Variants in ZGPAT observed in about 807,000 individuals in gnomAD.
ZGPAT encodes the protein zinc finger CCCH-type with G patch domain-containing protein.
Under a neutral mutation model 47.9 loss-of-function variants are expected in ZGPAT, and 39 were observed. The ratio of observed to expected loss-of-function variants is 0.81; its 90% CI spans 0.63 to 1.06. ZGPAT has a LOEUF of 1.06. ZGPAT is among the 50% of genes least tolerant of loss of function. The probability of loss-of-function intolerance (pLI) is 0.00; values close to 1 mark genes in which losing one functional copy is unlikely to be tolerated. For synonymous variants in ZGPAT, 348 were observed against 292.9 expected, an observed-to-expected ratio of 1.19 and a Z score of -1.92; for missense variants, 717 against 681.4, an observed-to-expected ratio of 1.05 and a Z score of -0.58.
At position 63,736,003 on chromosome 20, in the gene ZGPAT, G is replaced by A. The variant is rs979969513; in HGVS notation, c.*84G>A. On this transcript the variant is annotated 3_prime_UTR_variant, in exon 7 of 7. Coordinates refer to ENST00000355969, the MANE Select transcript of ZGPAT (RefSeq NM_181485.3). ...GACCAGTGTTGCCCGAGGAGGGGCC[G>A]GCCTGCTGGCCTGGGGCGTGCAGAC... 3.4e-5 allele frequency: 52 copies of A among 1,537,710 alleles called. No individual in the cohort carries two copies. The highest frequency in any genetic ancestry group is 1.8e-4 in the East Asian group (8 of 43,844).
At chr20:63,733,792 A>G (rs1316546607) in intron 4 of ZGPAT, 53 bp downstream of exon 4, 1 of 1,565,846 alleles carries the variant, frequency 6.4e-7, no homozygotes, top group African/African-American at 1.4e-5. Flanking sequence ...TCACCCTGAG[A>G]GGCTCCTGGC....
chr20:63,733,024 G>T (rs6011067), intron 2 of ZGPAT, among the ~76,000 whole-genome samples, 195 bp from the exon 3 acceptor site: 3 of 151,732 alleles, frequency 2.0e-5, no homozygotes, highest in Non-Finnish European at 4.4e-5. Context: ...GTATGTGTGC[G>T]TGAGTGTGTG....
upstream of ZGPAT, chr20:63,707,986 C>G (rs917301632): frequency 1.3e-5 from 2 of 152,120 alleles, no homozygotes; most frequent in East Asian, 1.9e-4. Flanking sequence ...TGAGCTGAAC[C>G]GCGTCCCAGC....
In ZGPAT at chr20:63,708,676, G is replaced by A. The variant is rs764285727; in HGVS notation, c.96G>A (p.Glu32=). 1 of 1,612,754 alleles carries A rather than the reference G, an allele frequency of 6.2e-7. No homozygotes were observed. The highest frequency in any genetic ancestry group is 8.5e-7 in the Non-Finnish European group (1 of 1,179,920). ...LALGAGLDSS[E]QADLRQLQGD... is the part of the protein sequence containing the mutation. ...TGGGCGCCGGCCTGGATTCGTCTGAGCAGGCTGACCTGCGCCAGCTGCAGG... is the reference window on the plus strand; with the variant it reads ...TGGGCGCCGGCCTGGATTCGTCTGAACAGGCTGACCTGCGCCAGCTGCAGG... Residue 32 remains glutamate (E), a synonymous_variant, in exon 2 of 7, where the codon GAG becomes GAA. Transcript: ENST00000355969.
At chr20:63,723,377 TC>T in intron 2 of ZGPAT, among the ~76,000 whole-genome samples, 2 of 129,710 alleles carry the variant, frequency 1.5e-5, no homozygotes, top group South Asian at 5.7e-4. Context: ...AGCTCCATCC[TC>T]CCTTCTCCTA....
intron 2 of ZGPAT, among the ~76,000 whole-genome samples, chr20:63,720,346 A>G (rs530891061): frequency 9.2e-5 from 14 of 151,918 alleles, no homozygotes; most frequent in Admixed American, 4.6e-4. Flanking sequence ...CAGTAGAGAC[A>G]TGGTTTTGCC....
chr20:63,733,799 T>A (rs2091947843), intron 4 of ZGPAT, 60 bp downstream of exon 4: 1 of 1,555,532 alleles, frequency 6.4e-7, no homozygotes, highest in South Asian at 1.2e-5. Flanking sequence ...GAGAGGCTCC[T>A]GGCCGGTGAG....
chr20:63,726,562 G>A (rs1384942743), intron 2 of ZGPAT, among the ~76,000 whole-genome samples: 2 of 149,304 alleles, frequency 1.3e-5, no homozygotes, highest in Non-Finnish European at 3.0e-5. Context: ...TTGCTCTGTC[G>A]CCCAGGCTGA....
At position 63,734,797 on chromosome 20, in the gene ZGPAT, A is replaced by G; in HGVS notation, c.964A>G (p.Thr322Ala). Reference sequence around the variant, plus strand: ...GCGAGGTATAGGCTCCAGACTCCTCACCAAGATGGGCTATGAGTTTGGCAA... The same window carrying G: ...GCGAGGTATAGGCTCCAGACTCCTCGCCAAGATGGGCTATGAGTTTGGCAA... ...HTRGIGSRLL[T>A]KMGYEFGKGL... The change falls in exon 5 of 7, where the codon ACC becomes GCC. Residue 322 changes from threonine to alanine, a missense_variant. Coordinates refer to ENST00000355969, the MANE Select transcript of ZGPAT (RefSeq NM_181485.3). 1 of 1,606,874 alleles carries G rather than the reference A, an allele frequency of 6.2e-7. No homozygotes were observed. Among genetic ancestry groups the G allele is most frequent in the Non-Finnish European group, 8.5e-7 (1 of 1,176,464 alleles).
At chr20:63,731,224 G>A (rs2091897654) in intron 2 of ZGPAT, among the ~76,000 whole-genome samples, 1 of 152,122 alleles carries the variant, frequency 6.6e-6, no homozygotes, top group African/African-American at 2.4e-5. Flanking sequence ...GGGACACACG[G>A]GGCATATTCT....
chr20:63,730,134 A>G (rs770420690), intron 2 of ZGPAT: 1 of 152,112 alleles, frequency 6.6e-6, no homozygotes, highest in Non-Finnish European at 1.5e-5. Context: ...AGGTTTTACT[A>G]ATGATGGTGT....
In ZGPAT at chr20:63,735,640, C is replaced by T. The variant is rs1212459808; in HGVS notation, c.1397+76C>T. 24 of 1,494,148 alleles carry T rather than the reference C, an allele frequency of 1.6e-5. No individual in the cohort carries two copies. The East Asian group carries it at 5.0e-4, about 31-fold the overall frequency. The allele number at this position is 1,494,148 out of a possible 1,614,324, so 92.6% of individuals were successfully genotyped here. A position where few individuals can be genotyped will look rare whatever the true frequency, so the allele number is the denominator to read the frequency against. ...CCCCGGGATACATGCTGGAGGTCAC[C>T]TGACCCAAGCATAGCGGGCTGAGTC... On this transcript the variant is annotated intron_variant, in intron 6 of 6. Coordinates refer to ENST00000355969, the MANE Select transcript of ZGPAT (RefSeq NM_181485.3).
At chr20:63,710,223 A>T (rs528839297) in intron 2 of ZGPAT, among the ~76,000 whole-genome samples, 1 of 145,964 alleles carries the variant, frequency 6.9e-6, no homozygotes, top group African/African-American at 2.6e-5. Flanking sequence ...GCGCAATCTC[A>T]GCTTACCGCA....
intron 2 of ZGPAT, among the ~76,000 whole-genome samples, chr20:63,730,646 G>A (rs550250445): frequency 7.2e-5 from 11 of 152,170 alleles, no homozygotes; most frequent in South Asian, 6.2e-4. Flanking sequence ...CACCACACCC[G>A]GCTAATTTTT....
At chr20:63,712,601 T>C (rs1207613274) in intron 2 of ZGPAT, among the ~76,000 whole-genome samples, 1 of 151,628 alleles carries the variant, frequency 6.6e-6, no homozygotes, top group Non-Finnish European at 1.5e-5. Flanking sequence ...ATCTTTACAA[T>C]ATTAAGCCTT....
intron 2 of ZGPAT, among the ~76,000 whole-genome samples, chr20:63,721,355 TAAAAAA>T (rs201321716): frequency 8.9e-6 from 1 of 112,230 alleles, no homozygotes; most frequent in Admixed American, 8.7e-5. Flanking sequence ...CTGTCTCAAA[TAAAAAA>T]AAAAAAAAAA....
chr20:63,735,670 A>C, intron 6 of ZGPAT, 106 bp downstream of exon 6: 1 of 1,517,768 alleles, frequency 6.6e-7, no homozygotes, highest in Non-Finnish European at 8.9e-7. Flanking sequence ...TGAGTCCAGG[A>C]GGGGTCTGCA....
intron 2 of ZGPAT, among the ~76,000 whole-genome samples, chr20:63,730,970 CTGTG>C (rs139077471): frequency 3.9e-4 from 45 of 115,144 alleles, no homozygotes; most frequent in African/African-American, 1.6e-3. Flanking sequence ...CTCTCTCTCT[CTGTG>C]TGTGTGTGTG....
chr20:63,734,480 G>T, intron 4 of ZGPAT: 1 of 808,860 alleles, frequency 1.2e-6, no homozygotes. Flanking sequence ...CATGCACTCT[G>T]CCTGGTGTCA....
Sources: allele counts gnomAD v4.1 joint callset (sites outside exome capture counted in the v4.1 genomes callset), GRCh38; gene constraint gnomAD v4.1.1; transcripts MANE v1.5; gene names NCBI Gene and HGNC (gene_info 2026-07-23, HGNC 2026-07-21).